AARS2: variants seen among roughly 807,000 people sequenced by gnomAD.
AARS2 encodes the protein alanyl-tRNA synthetase 2, mitochondrial, also known as alanine--tRNA ligase, mitochondrial.
AARS2 carries 78 observed loss-of-function variants against 119.7 expected under a neutral mutation model. That is an observed-to-expected ratio of 0.65 (90% CI 0.54 to 0.79). The LOEUF (loss-of-function observed/expected upper bound fraction) is 0.79, where lower values mean the gene tolerates loss of function less well. Among genes scored for constraint, AARS2 ranks in the 30% least tolerant of loss-of-function variants. AARS2 has a pLI of 0.00. For missense variants in AARS2, 1,157 were observed against 1,291.3 expected (o/e 0.90, Z 1.59); for synonymous variants, 502 against 526.3 (o/e 0.95, Z 0.63).
Position 44,300,529 on chromosome 6 carries a change from T to A in AARS2, c.*18A>T. Reference sequence around the variant, plus strand: ...TGGCATTGCCTTTAGTCCATGTGGGTCCCTGGGCGGACCTGGGTCAGAGCT... The same window carrying A: ...TGGCATTGCCTTTAGTCCATGTGGGACCCTGGGCGGACCTGGGTCAGAGCT... On this transcript the variant is annotated 3_prime_UTR_variant, in exon 22 of 22. Coordinates refer to ENST00000244571, the MANE Select transcript of AARS2 (RefSeq NM_020745.4). 2 of 1,613,862 alleles carry A rather than the reference T, an allele frequency of 1.2e-6. No homozygotes were observed. The highest frequency in any genetic ancestry group is 1.7e-6 in the Non-Finnish European group (2 of 1,180,020).
chr6:44,302,222 T>C, intron 18 of AARS2, 52 bp from the exon 19 acceptor site: 1 of 1,611,864 alleles, frequency 6.2e-7, no homozygotes, highest in South Asian at 1.1e-5. Context: ...CCATAGTCTC[T>C]GAGGTAGGGA....
Position 44,306,935 on chromosome 6 carries a change from C to T in AARS2, c.1137G>A (p.Val379=). 1 of 1,613,944 alleles carries T rather than the reference C, an allele frequency of 6.2e-7. No individual in the cohort carries two copies. Among genetic ancestry groups the T allele is most frequent in the Non-Finnish European group, 8.5e-7 (1 of 1,179,868 alleles). ...GCTCTGTCCTTACCAGTGTCTCCAC[C>T]ACTACAGGTACCAGGCTGCCTAGGA... ...PGFLGSLVPV[V]VETLGDAYPE... Residue 379 remains valine, a synonymous_variant, in exon 7 of 22, where the codon GTG becomes GTA. Transcript: ENST00000244571.
In AARS2 at chr6:44,310,082, C is replaced by T. The variant is rs180732166; in HGVS notation, c.894+217G>A. 2.2e-3 allele frequency among the ~76,000 whole-genome samples: 333 copies of T among 152,274 alleles called. 2 individuals are homozygous for T. Among genetic ancestry groups the T allele is most frequent in the Middle Eastern group, 6.8e-3 (2 of 294 alleles). ...TTTAACATAAAGTAAGCACTCAACA[C>T]GTATTTTCTAAATAAATGAAAGAGG... On this transcript the variant is annotated intron_variant, in intron 5 of 21. Coordinates refer to ENST00000244571, the MANE Select transcript of AARS2 (RefSeq NM_020745.4).
intron 19 of AARS2, 42 bp downstream of exon 19, chr6:44,302,018 G>A (rs561226344): frequency 6.3e-7 from 1 of 1,596,576 alleles, no homozygotes; most frequent in South Asian, 1.1e-5. Flanking sequence ...GTATCTGCTG[G>A]AGTGTCTCTG....
Position 44,303,160 on chromosome 6 carries a change from C to G in AARS2, c.2161G>C (p.Val721Leu), listed in dbSNP as rs1174749145. The change falls in exon 16 of 22, where the codon GTG (valine) becomes CTG (leucine). Residue 721 changes from valine (V) to leucine (L), a missense_variant. By Grantham distance (32) the Val-to-Leu change is conservative (BLOSUM62 1). Coordinates refer to ENST00000244571, the MANE Select transcript of AARS2 (RefSeq NM_020745.4). The part of the protein sequence containing the change: ...RSLDEVYPDP[V>L]RVVSVGVPVA... ...GGCACCCCCACTGATACCACCCGCACAGGGTCTGGGTAAACCTGAGGTCAA... is the reference window on the plus strand; with the variant it reads ...GGCACCCCCACTGATACCACCCGCAGAGGGTCTGGGTAAACCTGAGGTCAA... The G allele has an allele frequency of 1.1e-5, 17 of 1,614,194 alleles. No homozygotes were observed. Among genetic ancestry groups the G allele is most frequent in the Non-Finnish European group, 1.4e-5 (16 of 1,180,030 alleles).
intron 14 of AARS2, 22 bp from the exon 15 acceptor site, chr6:44,303,445 G>A: frequency 1.2e-6 from 2 of 1,613,800 alleles, no homozygotes; most frequent in Admixed American, 1.7e-5. Context: ...GGGAGGAAAT[G>A]GAAAGACCAA....
Position 44,300,322 on chromosome 6 carries a change from T to G in AARS2, c.*225A>C. 1 of 611,542 alleles carries G rather than the reference T, an allele frequency of 1.6e-6. No individual in the cohort carries two copies. Among genetic ancestry groups the G allele is most frequent in the Admixed American group, 2.9e-5 (1 of 34,694 alleles). 37.9% of individuals were successfully genotyped at this position (611,542 alleles called of 1,614,324 possible). On this transcript the variant is annotated 3_prime_UTR_variant, in exon 22 of 22. Coordinates refer to ENST00000244571, the MANE Select transcript of AARS2 (RefSeq NM_020745.4). ...GTGCAGTCACAGCCATAATTGTCCATGTCTTCTCTTTCACCAAGGGGGTGT... is the reference window on the plus strand; with the variant it reads ...GTGCAGTCACAGCCATAATTGTCCAGGTCTTCTCTTTCACCAAGGGGGTGT...
intron 4 of AARS2, 82 bp from the exon 5 acceptor site, chr6:44,310,525 G>T: frequency 6.4e-6 from 10 of 1,570,298 alleles, no homozygotes; most frequent in Non-Finnish European, 8.7e-6. Context: ...TAGAGAAATG[G>T]GGGGGGGCCC....
At chr6:44,308,227 CAGG>C in intron 5 of AARS2, among the ~76,000 whole-genome samples, 1 of 152,296 alleles carries the variant, frequency 6.6e-6, no homozygotes, top group South Asian at 2.1e-4. Flanking sequence ...CACACAGCAA[CAGG>C]AGTAGCCTTT....
intron 14 of AARS2, 33 bp downstream of exon 14, chr6:44,304,148 C>T (rs1196023797): frequency 1.2e-6 from 2 of 1,611,864 alleles, no homozygotes; most frequent in Non-Finnish European, 8.5e-7. Context: ...CCTGTCACCT[C>T]ACATGAAGCC....
Position 44,301,408 on chromosome 6 carries a change from C to T in AARS2, c.2655G>A (p.Val885=). The part of the protein sequence containing the change: ...LERHSKGPLI[V]DTVSAESLSV... ...AGAGAGACTCAGCAGAGACTGTGTC[C>T]ACAATCAGAGGCCCCTTCGAGTGCC... Residue 885 remains valine (V), a synonymous_variant, in exon 20 of 22, where the codon GTG becomes GTA. Coordinates refer to ENST00000244571, the MANE Select transcript of AARS2 (RefSeq NM_020745.4). The T allele has an allele frequency of 6.2e-7, 1 of 1,613,974 alleles. No individual in the cohort carries two copies. The highest frequency in any genetic ancestry group is 8.5e-7 in the Non-Finnish European group (1 of 1,180,030).
Position 44,311,387 on chromosome 6 carries a change from T to C in AARS2, c.581+3A>G, listed in dbSNP as rs1786339805. The C allele has an allele frequency of 6.2e-7, 1 of 1,614,138 alleles. No homozygotes were observed. Among genetic ancestry groups the C allele is most frequent in the African/African-American group, 1.3e-5 (1 of 75,030 alleles). ...AATGAACATAAGAAGGGGGCTGACT[T>C]ACCCTAAGCTCAGCCAGATGTCCCT... is the stretch of plus-strand genomic sequence containing the variant. On this transcript the variant is annotated splice_donor_region_variant and intron_variant, in intron 3 of 21. Coordinates refer to ENST00000244571, the MANE Select transcript of AARS2 (RefSeq NM_020745.4).
Position 44,306,542 on chromosome 6 carries a change from G to A in AARS2, c.1150-10C>T. ...CTGGATAAGCATCTCCCTGGGGGAG[G>A]TGGAGAGGGCTGAGGAGGTGTGAAA... On this transcript the variant is annotated splice_polypyrimidine_tract_variant and intron_variant, in intron 7 of 21. Transcript: ENST00000244571. 6.2e-7 allele frequency: 1 copy of A among 1,614,126 alleles called. No individual in the cohort carries two copies. Among genetic ancestry groups the A allele is most frequent in the Non-Finnish European group, 8.5e-7 (1 of 1,180,014 alleles).
chr6:44,306,897 G>A (rs1459015708), intron 7 of AARS2, 26 bp downstream of exon 7: 5 of 1,606,642 alleles, frequency 3.1e-6, no homozygotes, highest in Non-Finnish European at 4.3e-6. Context: ...GGGAGGCCCA[G>A]AGTGAAAAAG....
chr6:44,303,226 G>T, intron 15 of AARS2, 51 bp from the exon 16 acceptor site: 5 of 1,614,054 alleles, frequency 3.1e-6, no homozygotes, highest in Non-Finnish European at 3.4e-6. Flanking sequence ...GAAGGATAAA[G>T]CCTCCAGGTA....
At chr6:44,300,989 G>A (rs1393828510) in intron 21 of AARS2, 167 bp downstream of exon 21, 1 of 749,954 alleles carries the variant, frequency 1.3e-6, no homozygotes, top group Non-Finnish European at 2.2e-6. Context: ...GGTGGGGAGG[G>A]GCTGTTTTCA....
At position 44,299,186 on chromosome 6, in the gene AARS2, T is replaced by C. The variant is rs538044094; in HGVS notation, c.*1361A>G. On this transcript the variant is annotated 3_prime_UTR_variant, in exon 22 of 22. Transcript: ENST00000244571. Reference sequence around the variant, plus strand: ...CACATGTCACCTCTTGGTGAGGGAATATCACCATCCACACTCCTGATCCCC... The same window carrying C: ...CACATGTCACCTCTTGGTGAGGGAACATCACCATCCACACTCCTGATCCCC... Among the ~76,000 whole-genome samples the C allele has an allele frequency of 1.3e-5, 2 of 152,206 alleles. No individual in the cohort carries two copies. The highest frequency in any genetic ancestry group is 2.1e-4 in the South Asian group (1 of 4,826).
At position 44,299,448 on chromosome 6, in the gene AARS2, T is replaced by G. The variant is rs1315460838; in HGVS notation, c.*1099A>C. On this transcript the variant is annotated 3_prime_UTR_variant, in exon 22 of 22. Transcript: ENST00000244571. ...CATAAAGATTACTTTTTTTTTTTTT[T>G]GTAGACAGGGTCTTGCTGTTTGCGC... is the stretch of plus-strand genomic sequence containing the variant. Among the ~76,000 whole-genome samples, 1 of 151,788 alleles carries G rather than the reference T, an allele frequency of 6.6e-6. No homozygotes were observed. Among genetic ancestry groups the G allele is most frequent in the Non-Finnish European group, 1.5e-5 (1 of 67,950 alleles).
Position 44,312,209 on chromosome 6 carries a change from G to T in AARS2, c.298C>A (p.Arg100=), listed in dbSNP as rs771082902. The change falls in exon 2 of 22, where the codon CGA becomes AGA. Residue 100 remains arginine, a synonymous_variant. Transcript: ENST00000244571. ...VDPRSEMAGF[R]RVANSQKCVR... ...CATTTCTGGCTGTTGGCCACACGTC[G>T]GAAGCCTGCCATCTCGCTTCGTGGA... is the stretch of plus-strand genomic sequence containing the variant. The T allele has an allele frequency of 6.2e-7, 1 of 1,614,082 alleles. No homozygotes were observed. The highest frequency in any genetic ancestry group is 8.5e-7 in the Non-Finnish European group (1 of 1,179,916).
Sources: allele counts gnomAD v4.1 joint callset (sites outside exome capture counted in the v4.1 genomes callset), GRCh38; gene constraint gnomAD v4.1.1; transcripts MANE v1.5; gene names NCBI Gene and HGNC (gene_info 2026-07-23, HGNC 2026-07-21).